DNAH14: variants seen among roughly 807,000 people sequenced by gnomAD.
The protein encoded by DNAH14 is axonemal beta dynein heavy chain 14.
Under a neutral mutation model 520.9 loss-of-function variants are expected in DNAH14, and 478 were observed. The ratio of observed to expected loss-of-function variants is 0.92; its 90% CI spans 0.85 to 0.99. DNAH14 has a LOEUF of 0.99. DNAH14 is among the 50% of genes least tolerant of loss of function. The pLI, the probability that DNAH14 is intolerant of heterozygous loss-of-function variation, is 0.00. For missense variants in DNAH14, 4,831 were observed against 5,234.5 expected, an observed-to-expected ratio of 0.92 and a Z score of 2.38; for synonymous variants, 1,581 against 1,757.2, an observed-to-expected ratio of 0.90 and a Z score of 2.51.
At chr1:225,257,125 T>C (rs757860895) in intron 44 of DNAH14, among the ~76,000 whole-genome samples, 8 of 152,206 alleles carry the variant, frequency 5.3e-5, no homozygotes, top group African/African-American at 1.2e-4. Context: ...TTATTATGTA[T>C]TGAGGACCTA....
chr1:225,266,184 A>G (rs1425678712), intron 48 of DNAH14, among the ~76,000 whole-genome samples: 2 of 152,166 alleles, frequency 1.3e-5, no homozygotes, highest in South Asian at 2.1e-4. Context: ...GAATTTTTTA[A>G]GTCTAGTTCC....
intron 76 of DNAH14, among the ~76,000 whole-genome samples, chr1:225,365,848 T>C (rs557119879): frequency 6.6e-6 from 1 of 152,254 alleles, no homozygotes; most frequent in South Asian, 2.1e-4. Context: ...TCAGGGAATA[T>C]TTCATCTTAA....
In DNAH14 at chr1:224,952,719, C is replaced by T. The variant is rs924333528; in HGVS notation, c.17C>T (p.Pro6Leu). 7 of 1,601,586 alleles carry T rather than the reference C, an allele frequency of 4.4e-6. No homozygotes were observed. The highest frequency in any genetic ancestry group is 4.0e-5 in the African/African-American group (3 of 74,218). The change falls in exon 2 of 86, where the codon CCC becomes CTC. Residue 6 changes from proline (P) to leucine (L), a missense_variant. Physicochemically the swap from Pro to Leu is moderately conservative, Grantham distance 98. Coordinates refer to ENST00000682510, the MANE Select transcript of DNAH14 (RefSeq NM_001367479.1). The stretch of plus-strand genomic sequence containing the variant: ...GAAAAACATATGGAGACGTTTATAC[C>T]CATTGATTTGACAACTGAAAATCAA... METFI[P>L]IDLTTENQEM...
At chr1:225,377,604 A>G (rs1369821968) in intron 79 of DNAH14, among the ~76,000 whole-genome samples, 168 bp downstream of exon 79, 1 of 152,134 alleles carries the variant, frequency 6.6e-6, no homozygotes, top group East Asian at 1.9e-4. Context: ...TACAAATAAT[A>G]CAAAAATTAG....
In DNAH14 at chr1:225,353,889, G is replaced by T; in HGVS notation, c.11619+1G>T. The T allele has an allele frequency of 7.0e-7, 1 of 1,427,388 alleles. No individual in the cohort carries two copies. Among genetic ancestry groups the T allele is most frequent in the South Asian group, 1.3e-5 (1 of 79,302 alleles). The allele number at this position is 1,427,388 out of a possible 1,614,324, so 88.4% of individuals were successfully genotyped here. On this transcript the variant is annotated splice_donor_variant, in intron 73 of 85. Coordinates refer to ENST00000682510, the MANE Select transcript of DNAH14 (RefSeq NM_001367479.1). LOFTEE classifies it high-confidence loss of function. Reference sequence around the variant, plus strand: ...CACTTCATTTCAAAGACTTATTTTGGTAAGATATCTTATGAGGAAATATTA... The same window carrying T: ...CACTTCATTTCAAAGACTTATTTTGTTAAGATATCTTATGAGGAAATATTA...
At chr1:225,331,752 G>A (rs143245845) in intron 65 of DNAH14, among the ~76,000 whole-genome samples, 175 bp downstream of exon 65, 32 of 152,210 alleles carry the variant, frequency 2.1e-4, no homozygotes, top group African/African-American at 7.2e-4. Context: ...TGTTTGAGTC[G>A]TCTCAAAACA....
intron 41 of DNAH14, among the ~76,000 whole-genome samples, chr1:225,230,522 A>G (rs921335297): frequency 1.3e-5 from 2 of 152,158 alleles, no homozygotes; most frequent in African/African-American, 4.8e-5. Context: ...AAAATAAGCT[A>G]CAAGGAAGAA....
intron 17 of DNAH14, among the ~76,000 whole-genome samples, chr1:225,062,952 A>G (rs563433424): frequency 2.0e-5 from 3 of 152,324 alleles, no homozygotes; most frequent in Non-Finnish European, 2.9e-5. Context: ...TCAACCAGAA[A>G]TTACTAAATA....
At chr1:224,981,657 G>T (rs1043430107) in intron 8 of DNAH14, among the ~76,000 whole-genome samples, 2 of 152,116 alleles carry the variant, frequency 1.3e-5, no homozygotes, top group African/African-American at 4.8e-5. Context: ...TCTCAGTGAG[G>T]TTATTTGGAT....
intron 17 of DNAH14, among the ~76,000 whole-genome samples, chr1:225,064,598 G>T (rs2070614087): frequency 6.6e-6 from 1 of 150,830 alleles, no homozygotes; most frequent in African/African-American, 2.4e-5. Context: ...AAAAGAACAA[G>T]CTACTACATG....
intron 74 of DNAH14, among the ~76,000 whole-genome samples, chr1:225,359,239 T>G (rs931470193): frequency 7.9e-5 from 12 of 152,172 alleles, no homozygotes; most frequent in African/African-American, 2.9e-4. Context: ...CCTCTCAGAT[T>G]CACAAATGAA....
intron 18 of DNAH14, 46 bp downstream of exon 18, chr1:225,079,594 G>C (rs984071929): frequency 7.1e-7 from 1 of 1,414,980 alleles, no homozygotes; most frequent in African/African-American, 1.5e-5. Context: ...TTAAAAACTT[G>C]ATCTTAGTCT....
At chr1:225,289,855 G>T (rs1458705719) in intron 54 of DNAH14, 30 bp from the exon 55 acceptor site, 2 of 1,292,908 alleles carry the variant, frequency 1.5e-6, no homozygotes. Context: ...GAAAATGTAT[G>T]TCATGTGTTG....
At chr1:225,171,652 C>A in intron 36 of DNAH14, among the ~76,000 whole-genome samples, 1 of 152,104 alleles carries the variant, frequency 6.6e-6, no homozygotes. Context: ...AAAAGAAGTC[C>A]AGGACCAGAC....
Position 224,955,546 on chromosome 1 carries a change from C to G in DNAH14, c.217+448C>G, listed in dbSNP as rs1311366448. Among the ~76,000 whole-genome samples, 3 of 152,122 alleles carry G rather than the reference C, an allele frequency of 2.0e-5. No individual in the cohort carries two copies. In the East Asian group the frequency reaches 5.8e-4, roughly 29 times the overall value. ...TTTAAGTCTTTTTTCCTTCTTCACT[C>G]AAATTCTGCCATTTTCAGGATTTGA... On this transcript the variant is annotated intron_variant, in intron 3 of 85. Coordinates refer to ENST00000682510, the MANE Select transcript of DNAH14 (RefSeq NM_001367479.1).
At position 225,159,369 on chromosome 1, in the gene DNAH14, A is replaced by G. The variant is rs1185993524; in HGVS notation, c.5329A>G (p.Ile1777Val). The change falls in exon 35 of 86, where the codon ATA becomes GTA. Residue 1777 changes from isoleucine to valine, a missense_variant. Physicochemically the swap from Ile to Val is conservative, Grantham distance 29 (BLOSUM62 3). Transcript: ENST00000682510. ...TGAAACCTTGATTGTTATCGAGGCT[A>G]TAAGAGAAGCTAGTTTGCCAAAATG... ...ADETLIVIEA[I>V]REASLPKCPP... 3.9e-6 allele frequency: 6 copies of G among 1,551,758 alleles called. No individual in the cohort carries two copies. Among genetic ancestry groups the G allele is most frequent in the Admixed American group, 3.9e-5 (2 of 50,952 alleles).
At chr1:225,051,424 C>A in intron 16 of DNAH14, 27 bp from the exon 17 acceptor site, 1 of 1,400,406 alleles carries the variant, frequency 7.1e-7, no homozygotes, top group Middle Eastern at 1.9e-4. Context: ...AAAATTCTGA[C>A]TAACATCTCA....
chr1:225,150,244 C>CT (rs1359961524), intron 31 of DNAH14, among the ~76,000 whole-genome samples: 1 of 152,130 alleles, frequency 6.6e-6, no homozygotes, highest in Non-Finnish European at 1.5e-5. Flanking sequence ...GGCATAAAGC[C>CT]TAGTTGATCG....
At chr1:224,975,385 T>C (rs2061749957) in intron 8 of DNAH14, among the ~76,000 whole-genome samples, 1 of 149,196 alleles carries the variant, frequency 6.7e-6, no homozygotes, top group African/African-American at 2.5e-5. Flanking sequence ...AAGCTATTGA[T>C]TATTGCCACA....
Sources: allele counts gnomAD v4.1 joint callset (sites outside exome capture counted in the v4.1 genomes callset), GRCh38; gene constraint gnomAD v4.1.1; transcripts MANE v1.5; gene names NCBI Gene and HGNC (gene_info 2026-07-23, HGNC 2026-07-21).